The following WBP4 variants were observed in gnomAD, a reference collection of about 807,000 sequenced individuals.
WBP4 encodes the protein WW domain binding protein 4.
Under a neutral mutation model 55.4 loss-of-function variants are expected in WBP4, and 37 were observed. That is an observed-to-expected ratio of 0.67 (90% CI 0.51 to 0.88). The LOEUF is 0.88. Ranked by LOEUF, WBP4 falls within the 40% of genes least tolerant of loss-of-function variation. The pLI, the probability that WBP4 is intolerant of heterozygous loss-of-function variation, is 0.00. For synonymous variants in WBP4, 142 were observed against 140.2 expected, an observed-to-expected ratio of 1.01 and a Z score of -0.09; for missense variants, 398 against 420.8, an observed-to-expected ratio of 0.95 and a Z score of 0.47.
chr13:41,072,973 T>C lies in WBP4; in HGVS notation c.562+116T>C. 5.6e-6 allele frequency: 4 copies of C among 710,078 alleles called. No individual in the cohort carries two copies. In the South Asian group the frequency reaches 8.6e-5, roughly 15 times the overall value. 44.0% of individuals were successfully genotyped at this position (710,078 alleles called of 1,614,324 possible). ...TTAGTATACAATAAACATATTTGTG[T>C]AGTAAACATGAATTATTTTTTGTAA... On this transcript the variant is annotated intron_variant, in intron 7 of 9. Coordinates refer to ENST00000379487, the MANE Select transcript of WBP4 (RefSeq NM_007187.5).
chr13:41,075,620 A>G (rs891821624), intron 7 of WBP4, among the ~76,000 whole-genome samples: 1 of 152,140 alleles, frequency 6.6e-6, no homozygotes, highest in Non-Finnish European at 1.5e-5. Context: ...AGTTCAAGCA[A>G]TCCTCCTACC....
intron 2 of WBP4, among the ~76,000 whole-genome samples, chr13:41,064,061 G>A (rs1265677491): frequency 1.3e-5 from 2 of 150,618 alleles, no homozygotes; most frequent in Non-Finnish European, 3.0e-5. Context: ...CTCCCCATAG[G>A]TTATCATTTT....
chr13:41,072,934 T>C, intron 7 of WBP4, 77 bp downstream of exon 7: 1 of 1,191,142 alleles, frequency 8.4e-7, no homozygotes, highest in Admixed American at 2.3e-5. Flanking sequence ...ATTAATCATC[T>C]GAACTTGGAA....
Position 41,065,003 on chromosome 13 carries a change from T to C in WBP4, c.76-13T>C, listed in dbSNP as rs544699747. On this transcript the variant is annotated splice_polypyrimidine_tract_variant and intron_variant, in intron 2 of 9. Coordinates refer to ENST00000379487, the MANE Select transcript of WBP4 (RefSeq NM_007187.5). ...GTAGTTTTCTTTTGTTATTTTCTCT[T>C]TTCATTTTCAAGAGTGTTGAATTTC... 35 of 1,548,090 alleles carry C rather than the reference T, an allele frequency of 2.3e-5. No individual in the cohort carries two copies. The South Asian group carries it at 3.8e-4, about 17-fold the overall frequency.
chr13:41,068,118 A>G (rs1167720606), intron 4 of WBP4, among the ~76,000 whole-genome samples: 1 of 152,144 alleles, frequency 6.6e-6, no homozygotes, highest in African/African-American at 2.4e-5. Context: ...TAGTGATGGA[A>G]TCTGGACTTT....
In WBP4 at chr13:41,080,721, T is replaced by C; in HGVS notation, c.832T>C (p.Leu278=). The change falls in exon 9 of 10, where the codon TTA becomes CTA. Residue 278 remains leucine, a synonymous_variant. Transcript: ENST00000379487. ...AAAAAGTATTCAGAAACAGAATTCA[T>C]TAGGTTCAAATGAAGAAAAATCGAA... The part of the protein sequence containing the change: ...KEKSIQKQNS[L]GSNEEKSKTL... The C allele has an allele frequency of 6.2e-7, 1 of 1,606,980 alleles. No homozygotes were observed. The highest frequency in any genetic ancestry group is 8.5e-7 in the Non-Finnish European group (1 of 1,178,276).
chr13:41,078,370 C>A (rs909998528), intron 8 of WBP4, among the ~76,000 whole-genome samples: 3 of 152,084 alleles, frequency 2.0e-5, no homozygotes, highest in African/African-American at 7.2e-5. Flanking sequence ...TCAACAAAAT[C>A]AACAAAAATA....
chr13:41,065,012 C>A lies in WBP4; in HGVS notation c.76-4C>A. On this transcript the variant is annotated splice_polypyrimidine_tract_variant and splice_region_variant and intron_variant, in intron 2 of 9. Coordinates refer to ENST00000379487, the MANE Select transcript of WBP4 (RefSeq NM_007187.5). ...TTTTGTTATTTTCTCTTTTCATTTT[C>A]AAGAGTGTTGAATTTCATGAAAGAG... The A allele has an allele frequency of 6.4e-7, 1 of 1,561,154 alleles. No individual in the cohort carries two copies. The highest frequency in any genetic ancestry group is 8.6e-7 in the Non-Finnish European group (1 of 1,162,182).
At chr13:41,077,106 G>A (rs1878527056) in intron 8 of WBP4, among the ~76,000 whole-genome samples, 2 of 152,092 alleles carry the variant, frequency 1.3e-5, no homozygotes, top group African/African-American at 4.8e-5. Flanking sequence ...CAGTACATCA[G>A]AAAGATTAAT....
intron 8 of WBP4, among the ~76,000 whole-genome samples, chr13:41,077,957 A>G (rs1878577830): frequency 6.6e-6 from 1 of 152,194 alleles, no homozygotes; most frequent in Non-Finnish European, 1.5e-5. Flanking sequence ...ATCCCTACAA[A>G]ATGAACTACA....
At chr13:41,067,044 A>G (rs1160844999) in intron 4 of WBP4, among the ~76,000 whole-genome samples, 1 of 152,166 alleles carries the variant, frequency 6.6e-6, no homozygotes, top group Non-Finnish European at 1.5e-5. Context: ...GTTGGAGTGC[A>G]GTGGCAAAAT....
At position 41,083,960 on chromosome 13, in the gene WBP4, C is replaced by CT; in HGVS notation, c.*1047dup. On this transcript the variant is annotated 3_prime_UTR_variant, in exon 10 of 10. Transcript: ENST00000379487. ...GTTAATATTTGTCTTTTTAAGATGA[C>CT]TGTACATGTAAGAAAAAAGCTTATT... 6.6e-6 allele frequency: 1 copy of CT among 152,040 alleles called. No homozygotes were observed. Among genetic ancestry groups the CT allele is most frequent in the South Asian group, 2.1e-4 (1 of 4,828 alleles). The allele number at this position is 152,040 out of a possible 1,614,324, so 9.4% of individuals were successfully genotyped here.
chr13:41,075,184 A>C (rs917426395), intron 7 of WBP4, among the ~76,000 whole-genome samples: 1 of 152,150 alleles, frequency 6.6e-6, no homozygotes, highest in African/African-American at 2.4e-5. Flanking sequence ...AGTTGAAAGT[A>C]GGGAATTAAT....
At chr13:41,081,739 A>G (rs961123939) in intron 9 of WBP4, among the ~76,000 whole-genome samples, 3 of 152,106 alleles carry the variant, frequency 2.0e-5, no homozygotes, top group Admixed American at 6.6e-5. Context: ...ACTTGAGCCC[A>G]GGAGTTGGAG....
chr13:41,062,435 T>G (rs922906066), intron 1 of WBP4, among the ~76,000 whole-genome samples: 2 of 152,164 alleles, frequency 1.3e-5, no homozygotes, highest in Non-Finnish European at 2.9e-5. Context: ...AGTTTTGTAA[T>G]GAATCAGATA....
intron 4 of WBP4, among the ~76,000 whole-genome samples, chr13:41,066,479 C>T (rs982007503): frequency 2.0e-5 from 3 of 152,036 alleles, no homozygotes; most frequent in African/African-American, 7.3e-5. Context: ...TTTTTTCCCT[C>T]AGTGATATAT....
chr13:41,078,520 C>G (rs2138481645), intron 8 of WBP4, among the ~76,000 whole-genome samples: 1 of 152,228 alleles, frequency 6.6e-6, no homozygotes, highest in Non-Finnish European at 1.5e-5. Context: ...GTTTAAAGAT[C>G]TGAAACTATA....
chr13:41,061,827 G>A, intron 1 of WBP4, 152 bp downstream of exon 1: 1 of 1,345,868 alleles, frequency 7.4e-7, no homozygotes, highest in Non-Finnish European at 1.0e-6. Flanking sequence ...AGACCTGCAG[G>A]GCCGGTTCTC....
chr13:41,063,232 A>G (rs1434078339), intron 2 of WBP4, among the ~76,000 whole-genome samples: 1 of 152,188 alleles, frequency 6.6e-6, no homozygotes, highest in Admixed American at 6.5e-5. Context: ...CATAGTTGAG[A>G]TCCAGTTTTG....
Sources: gnomAD v4.1 joint callset for allele counts (sites outside exome capture counted in the v4.1 genomes callset) on GRCh38, gnomAD v4.1.1 for gene constraint, MANE v1.5 for transcripts, NCBI Gene and HGNC (gene_info 2026-07-23, HGNC 2026-07-21) for gene names.